IDO2: variants seen among roughly 807,000 people sequenced by gnomAD.
The protein encoded by IDO2 is indoleamine 2,3-dioxygenase-like 1 protein.
IDO2 carries 46 observed loss-of-function variants against 45.1 expected under a neutral mutation model. That is an observed-to-expected ratio of 1.02 (90% CI 0.80 to 1.30). The LOEUF is 1.30. Among genes scored for constraint, IDO2 ranks in the 50% most tolerant of loss-of-function variants. The pLI is 0.00. For missense variants in IDO2, 544 were observed against 491.8 expected, an observed-to-expected ratio of 1.11 and a Z score of -1.00; for synonymous variants, 218 against 184.9, an observed-to-expected ratio of 1.18 and a Z score of -1.45.
chr8:39,976,565 A>G (rs781319579), intron 3 of IDO2, among the ~76,000 whole-genome samples: 1 of 152,232 alleles, frequency 6.6e-6, no homozygotes, highest in African/African-American at 2.4e-5. Context: ...TCTAATAAAT[A>G]GGAAGTTATA....
At chr8:39,995,265 C>CTTCTTCTTCTTCTTCTTCT (rs1563438335) in intron 8 of IDO2, 12 of 90,038 alleles carry the variant, frequency 1.3e-4, no homozygotes, top group Non-Finnish European at 1.8e-4. Context: ...CTTCTTCTTC[C>CTTCTTCTTCTTCTTCTTCT]TCTTCTTCTT....
intron 3 of IDO2, among the ~76,000 whole-genome samples, chr8:39,975,540 C>T (rs1312586344): frequency 6.6e-6 from 1 of 152,130 alleles, no homozygotes; most frequent in Non-Finnish European, 1.5e-5. Flanking sequence ...TGCAAGCTAT[C>T]ATTAATAGTC....
At chr8:40,014,714 T>A (rs1234891822) in intron 10 of IDO2, among the ~76,000 whole-genome samples, 1 of 152,232 alleles carries the variant, frequency 6.6e-6, no homozygotes, top group African/African-American at 2.4e-5. Flanking sequence ...TCATCTGAGA[T>A]GTTCTTACTT....
intron 3 of IDO2, among the ~76,000 whole-genome samples, chr8:39,967,969 G>A (rs1298805533): frequency 6.6e-6 from 1 of 151,776 alleles, no homozygotes; most frequent in African/African-American, 2.4e-5. Context: ...GATTTACCAT[G>A]CAACTCAGCA....
intron 4 of IDO2, among the ~76,000 whole-genome samples, chr8:39,981,254 G>A (rs988580074): frequency 1.3e-5 from 2 of 151,826 alleles, no homozygotes; most frequent in African/African-American, 2.4e-5. Context: ...TAAAGACGGC[G>A]TTTCACCATG....
intron 9 of IDO2, 143 bp from the exon 10 acceptor site, chr8:40,013,422 C>G (rs1033696632): frequency 2.6e-6 from 2 of 756,912 alleles, no homozygotes; most frequent in Non-Finnish European, 4.3e-6. Flanking sequence ...AGTACTTACC[C>G]TACAAAGATA....
intron 8 of IDO2, chr8:39,995,268 T>TTCTTCTTCTTCTTCTTCTTTTTCC (rs1802022447): frequency 1.1e-5 from 1 of 94,130 alleles, no homozygotes; most frequent in Non-Finnish European, 1.9e-5. Flanking sequence ...CTTCTTCCTC[T>TTCTTCTTCTTCTTCTTCTTTTTCC]TCTTCTTCTT....
At chr8:39,941,351 A>G (rs922803588) in intron 1 of IDO2, among the ~76,000 whole-genome samples, 4 of 152,152 alleles carry the variant, frequency 2.6e-5, no homozygotes, top group Non-Finnish European at 2.9e-5. Flanking sequence ...GAAAAATACT[A>G]TGAATAACCA....
At chr8:39,939,677 ATGTCACG>A (rs1807614810) in intron 1 of IDO2, among the ~76,000 whole-genome samples, 1 of 147,636 alleles carries the variant, frequency 6.8e-6, no homozygotes, top group Admixed American at 7.0e-5. Context: ...GTCATGGAAA[ATGTCACG>A]AAAATAAAAG....
At chr8:39,939,389 C>A (rs1235253775) in intron 1 of IDO2, among the ~76,000 whole-genome samples, 1 of 150,604 alleles carries the variant, frequency 6.6e-6, no homozygotes, top group African/African-American at 2.4e-5. Context: ...TCTACTAAAA[C>A]CACAAAAATT....
rs540036611 is a variant in IDO2 at position 39,956,355 on chromosome 8, C to T, written c.99+7091C>T. Among the ~76,000 whole-genome samples the T allele has an allele frequency of 4.5e-4, 68 of 152,284 alleles. No homozygotes were observed. In the South Asian group the frequency reaches 9.5e-3, roughly 21 times the overall value. ...GGGATTACAGGCATGAGCCACCACA[C>T]GCAGCCAATTAGATGCCTTCTCATG... On this transcript the variant is annotated intron_variant, in intron 2 of 10. Transcript: ENST00000502986.
chr8:39,995,917 C>G (rs994478087), intron 8 of IDO2, among the ~76,000 whole-genome samples: 1 of 152,082 alleles, frequency 6.6e-6, no homozygotes, highest in Non-Finnish European at 1.5e-5. Context: ...CCTAACGGAC[C>G]GTGGTCTAGC....
Position 39,998,750 on chromosome 8 carries a change from C to T in IDO2, c.668-6577C>T, listed in dbSNP as rs140059835. 1.7e-4 allele frequency among the ~76,000 whole-genome samples: 26 copies of T among 148,958 alleles called. No individual in the cohort carries two copies. In the East Asian group the frequency reaches 3.8e-3, roughly 22 times the overall value. On this transcript the variant is annotated intron_variant, in intron 8 of 10. Coordinates refer to ENST00000502986, the Ensembl canonical transcript of IDO2. ...GTGCCTCCCCGGTTCAAGCAATTCT[C>T]GTGCCTCAACTTCCCGAGTAGCTGA...
intron 2 of IDO2, 150 bp downstream of exon 2, chr8:39,949,414 T>A (rs1388001731): frequency 3.3e-6 from 2 of 601,994 alleles, no homozygotes; most frequent in East Asian, 5.8e-5. Flanking sequence ...GCATAGATTA[T>A]CATTACTATC....
chr8:39,981,273 G>A (rs899849262), intron 4 of IDO2, among the ~76,000 whole-genome samples: 5 of 151,796 alleles, frequency 3.3e-5, no homozygotes, highest in Admixed American at 6.6e-5. Flanking sequence ...TGTTAGCCAG[G>A]ATGGTCTCGA....
At chr8:39,974,655 A>G (rs1006287471) in intron 3 of IDO2, among the ~76,000 whole-genome samples, 4 of 152,176 alleles carry the variant, frequency 2.6e-5, no homozygotes, top group African/African-American at 9.7e-5. Flanking sequence ...ACTGTGGCTC[A>G]CACCTGAAAT....
intron 3 of IDO2, among the ~76,000 whole-genome samples, chr8:39,965,514 A>T (rs1381706810): frequency 2.9e-5 from 3 of 104,604 alleles, no homozygotes; most frequent in African/African-American, 5.4e-5. Flanking sequence ...AAACAAACAA[A>T]TATATATATA....
intron 2 of IDO2, among the ~76,000 whole-genome samples, chr8:39,962,505 A>C (rs534066460): frequency 4.6e-4 from 70 of 152,296 alleles, no homozygotes; most frequent in Non-Finnish European, 9.3e-4. Flanking sequence ...CTCATCTTTC[A>C]TCATCCTTTT....
rs1808445414 is a variant in IDO2 at position 39,987,723 on chromosome 8, T to C, written c.450-148T>C. 8.6e-6 allele frequency: 5 copies of C among 578,158 alleles called. No homozygotes were observed. The Admixed American group carries it at 8.9e-5, about 10-fold the overall frequency. 35.8% of individuals were successfully genotyped at this position (578,158 alleles called of 1,614,324 possible). On this transcript the variant is annotated intron_variant, in intron 6 of 10. Transcript: ENST00000502986. ...CTCCCTGAATGTTGCTGAAGGTAGA[T>C]GCCCATCCTCAGGGCTGTCTTACGG...
Sources: allele counts gnomAD v4.1 joint callset (sites outside exome capture counted in the v4.1 genomes callset), GRCh38; gene constraint gnomAD v4.1.1; transcripts MANE v1.5; gene names NCBI Gene and HGNC (gene_info 2026-07-23, HGNC 2026-07-21).